Variants in MRC1 observed in about 807,000 individuals in gnomAD.
MRC1 encodes the protein mannose receptor C-type 1, also known as macrophage mannose receptor 1.
Under a neutral mutation model 102.9 loss-of-function variants are expected in MRC1, and 62 were observed. The observed-to-expected ratio is 0.60, with a 90% CI of 0.49 to 0.74. The LOEUF is 0.74. Among genes scored for constraint, MRC1 ranks in the 30% least tolerant of loss-of-function variants. MRC1 has a pLI of 0.00. For missense variants in MRC1, 1,237 were observed against 862.8 expected (o/e 1.43, Z -5.43); for synonymous variants, 457 against 298.4 (o/e 1.53, Z -5.48).
chr10:17,883,065 G>A (rs1164335077), intron 21 of MRC1, among the ~76,000 whole-genome samples: 1 of 152,096 alleles, frequency 6.6e-6, no homozygotes, highest in African/African-American at 2.4e-5. Flanking sequence ...TTTCAAGCTG[G>A]GGATGAGGCA....
At position 17,827,626 on chromosome 10, in the gene MRC1, C is replaced by T. The variant is rs1838500647; in HGVS notation, c.548C>T (p.Thr183Met). 5.1e-6 allele frequency: 4 copies of T among 780,828 alleles called. No individual in the cohort carries two copies. Among genetic ancestry groups the T allele is most frequent in the Admixed American group, 1.7e-5 (1 of 59,024 alleles). 48.4% of individuals were successfully genotyped at this position (780,828 alleles called of 1,614,324 possible). A position where few individuals can be genotyped will look rare whatever the true frequency, so the allele number is the denominator to read the frequency against. Reference sequence around the variant, plus strand: ...GAAAACAAGTGGTACGCAGATTGCACGAGTGCTGGGCGGTCGGATGGATGG... The same window carrying T: ...GAAAACAAGTGGTACGCAGATTGCATGAGTGCTGGGCGGTCGGATGGATGG... ...KFENKWYADC[T>M]SAGRSDGWLW... Residue 183 changes from threonine to methionine, a missense_variant, in exon 3 of 30, where the codon ACG (threonine) becomes ATG (methionine). By Grantham distance (81) the Thr-to-Met change is moderately conservative. Transcript: ENST00000569591.
intron 12 of MRC1, among the ~76,000 whole-genome samples, chr10:17,868,087 C>A (rs930005564): frequency 3.2e-4 from 48 of 152,222 alleles, no homozygotes; most frequent in African/African-American, 9.9e-4. Flanking sequence ...AAATAACAAA[C>A]AAAAACCCCA....
At chr10:17,816,454 C>T (rs1838314767) in intron 1 of MRC1, among the ~76,000 whole-genome samples, 1 of 152,110 alleles carries the variant, frequency 6.6e-6, no homozygotes, top group Non-Finnish European at 1.5e-5. Context: ...GGAATGGTTG[C>T]CTTGGACTCA....
At chr10:17,838,565 AAAAAG>A (rs1235490258) in intron 4 of MRC1, among the ~76,000 whole-genome samples, 6 of 151,688 alleles carry the variant, frequency 4.0e-5, no homozygotes, top group Non-Finnish European at 8.8e-5. Context: ...TTAAAAAAAA[AAAAAG>A]AAAGTAAAAA....
At chr10:17,824,464 A>G (rs1380641431) in intron 2 of MRC1, among the ~76,000 whole-genome samples, 2 of 152,216 alleles carry the variant, frequency 1.3e-5, no homozygotes, top group Non-Finnish European at 2.9e-5. Flanking sequence ...GAGCATAGCA[A>G]TTTAGTTCTT....
intron 4 of MRC1, among the ~76,000 whole-genome samples, chr10:17,834,131 C>T (rs1369578932): frequency 6.6e-5 from 10 of 152,290 alleles, no homozygotes; most frequent in East Asian, 5.8e-4. Flanking sequence ...TTAATGATGT[C>T]GTTCTTGGAC....
At chr10:17,902,916 G>A (rs2130720094) in intron 26 of MRC1, among the ~76,000 whole-genome samples, 1 of 152,068 alleles carries the variant, frequency 6.6e-6, no homozygotes, top group South Asian at 2.1e-4. Context: ...CCTGTTGTTA[G>A]GTACATATTC....
intron 1 of MRC1, among the ~76,000 whole-genome samples, chr10:17,819,205 T>A (rs1589163591): frequency 6.6e-6 from 1 of 152,090 alleles, no homozygotes; most frequent in East Asian, 1.9e-4. Flanking sequence ...CAGAAAGAGA[T>A]CTCACTCTTG....
intron 12 of MRC1, among the ~76,000 whole-genome samples, chr10:17,867,728 C>T (rs372060974): frequency 0.72 from 109,432 of 152,128 alleles, 39,602 homozygotes; most frequent in East Asian, 0.84. Context: ...AGCCTCTTTT[C>T]GTCTTGATAG....
intron 5 of MRC1, among the ~76,000 whole-genome samples, chr10:17,843,838 A>C (rs1554840026): frequency 6.6e-6 from 1 of 152,118 alleles, no homozygotes; most frequent in Non-Finnish European, 1.5e-5. Context: ...AGGTAATATG[A>C]TTTCCGTCTT....
chr10:17,840,969 T>A (rs692520), intron 5 of MRC1, among the ~76,000 whole-genome samples, 163 bp downstream of exon 5: 126,187 of 152,238 alleles, frequency 0.83, 52,518 homozygotes, highest in East Asian at 1. Flanking sequence ...AGATTTCCAT[T>A]TACTGAATTG....
intron 17 of MRC1, among the ~76,000 whole-genome samples, chr10:17,876,575 G>T (rs1833440790): frequency 6.6e-6 from 1 of 152,098 alleles, no homozygotes; most frequent in African/African-American, 2.4e-5. Context: ...CTTGGATTTT[G>T]TGAAGATCAG....
chr10:17,885,090 G>T (rs1176379960), intron 21 of MRC1, among the ~76,000 whole-genome samples, 179 bp from the exon 22 acceptor site: 1 of 152,212 alleles, frequency 6.6e-6, no homozygotes, highest in Admixed American at 6.5e-5. Context: ...AAAGTCCAAA[G>T]CGCAAGTGAC....
intron 4 of MRC1, among the ~76,000 whole-genome samples, chr10:17,839,537 G>C (rs1212469957): frequency 6.6e-6 from 1 of 152,142 alleles, no homozygotes; most frequent in Non-Finnish European, 1.5e-5. Context: ...GTTGAGTACA[G>C]TGGTGTGTAC....
chr10:17,809,437 C>G lies in MRC1; in HGVS notation c.-29C>G. 1.1e-6 allele frequency: 1 copy of G among 872,668 alleles called. No individual in the cohort carries two copies. Among genetic ancestry groups the G allele is most frequent in the Non-Finnish European group, 2.0e-6 (1 of 501,454 alleles). 54.1% of individuals were successfully genotyped at this position (872,668 alleles called of 1,614,324 possible). A position where few individuals can be genotyped will look rare whatever the true frequency, so the allele number is the denominator to read the frequency against. On this transcript the variant is annotated 5_prime_UTR_variant, in exon 1 of 30. The change creates a new upstream start codon in the 5' untranslated region. Coordinates refer to ENST00000569591, the MANE Select transcript of MRC1 (RefSeq NM_002438.4). ...GTCTTAGTTCCGCCCTCCTGTCCAT[C>G]AGGAGAAGGAAAGGATAAACCCTGG...
At chr10:17,830,596 G>C (rs1838555796) in intron 3 of MRC1, among the ~76,000 whole-genome samples, 1 of 151,234 alleles carries the variant, frequency 6.6e-6, no homozygotes, top group Non-Finnish European at 1.5e-5. Flanking sequence ...AGTATCGTGA[G>C]AACAGGTAAA....
intron 3 of MRC1, among the ~76,000 whole-genome samples, chr10:17,828,243 A>AT (rs1234593709): frequency 6.7e-5 from 10 of 150,012 alleles, no homozygotes; most frequent in Admixed American, 1.3e-4. Flanking sequence ...CGCCTGGCTA[A>AT]TTTTTTGTAT....
chr10:17,854,691 A>T (rs948037934), intron 8 of MRC1: 17 of 215,436 alleles, frequency 7.9e-5, no homozygotes, highest in African/African-American at 3.3e-4. Flanking sequence ...CATTTTATTT[A>T]TTTATTTATT....
rs1833781404 is a variant in MRC1, at chr10:17,898,214, T to G, written c.3431T>G (p.Leu1144Arg). The G allele has an allele frequency of 9.0e-6, 7 of 780,898 alleles. No homozygotes were observed. The highest frequency in any genetic ancestry group is 1.7e-5 in the Non-Finnish European group (7 of 417,958). The allele number at this position is 780,898 out of a possible 1,614,324, so 48.4% of individuals were successfully genotyped here. ...LDPYSNAFAW[L>R]QMETSNERVW... ...CCCTACAGTAATGCATTTGCGTGGC[T>G]GCAGATGGAAACATCTAATGAACGT... is the stretch of plus-strand genomic sequence containing the variant. Residue 1144 changes from leucine (L) to arginine (R), a missense_variant, in exon 24 of 30, where the codon CTG becomes CGG. Coordinates refer to ENST00000569591, the MANE Select transcript of MRC1 (RefSeq NM_002438.4).
Sources: allele counts gnomAD v4.1 joint callset (sites outside exome capture counted in the v4.1 genomes callset), GRCh38; gene constraint gnomAD v4.1.1; transcripts MANE v1.5; gene names NCBI Gene and HGNC (gene_info 2026-07-23, HGNC 2026-07-21).